EEF1AKMT2: variants seen among roughly 807,000 people sequenced by gnomAD.
The protein encoded by EEF1AKMT2 is eukaryotic translation elongation factor 1 alpha lysine methyltransferase 2.
A neutral mutation model predicts 35.8 loss-of-function variants in EEF1AKMT2; 32 were observed. That is an observed-to-expected ratio of 0.89 (90% confidence interval 0.67 to 1.20). EEF1AKMT2 has a LOEUF of 1.20. Among genes scored for constraint, EEF1AKMT2 ranks in the 50% most tolerant of loss-of-function variants. EEF1AKMT2 has a pLI of 0.00. For synonymous variants in EEF1AKMT2, 121 were observed against 133.7 expected, an observed-to-expected ratio of 0.91 and a Z score of 0.65; for missense variants, 330 against 347.5, an observed-to-expected ratio of 0.95 and a Z score of 0.40.
chr10:124,770,187 G>A (rs1589782884), intron 4 of EEF1AKMT2, among the ~76,000 whole-genome samples: 1 of 151,988 alleles, frequency 6.6e-6, no homozygotes, highest in East Asian at 1.9e-4. Flanking sequence ...GAGGGGCCGA[G>A]GCGGGTGGAT....
At chr10:124,782,104 A>G (rs1007009493) in intron 3 of EEF1AKMT2, among the ~76,000 whole-genome samples, 1 of 152,240 alleles carries the variant, frequency 6.6e-6, no homozygotes, top group South Asian at 2.1e-4. Context: ...GCCATACGCA[A>G]AGAGATATAT....
intron 3 of EEF1AKMT2, among the ~76,000 whole-genome samples, chr10:124,788,612 C>T (rs191245904): frequency 6.6e-6 from 1 of 151,110 alleles, no homozygotes; most frequent in Non-Finnish European, 1.5e-5. Flanking sequence ...GGAATGTTTA[C>T]CGAAACACAG....
At chr10:124,762,723 G>A (rs991065144) in intron 5 of EEF1AKMT2, among the ~76,000 whole-genome samples, 165 bp from the exon 6 acceptor site, 2 of 151,970 alleles carry the variant, frequency 1.3e-5, no homozygotes, top group South Asian at 2.1e-4. Context: ...AAAGCTTATC[G>A]TAAGAAAACT....
chr10:124,788,022 G>A (rs1156749117), intron 3 of EEF1AKMT2, among the ~76,000 whole-genome samples: 1 of 152,144 alleles, frequency 6.6e-6, no homozygotes, highest in Non-Finnish European at 1.5e-5. Flanking sequence ...TCTTAAGCAT[G>A]GCAAAGCATA....
intron 3 of EEF1AKMT2, among the ~76,000 whole-genome samples, chr10:124,781,610 T>A (rs1589790592): frequency 2.5e-5 from 2 of 78,574 alleles, no homozygotes; most frequent in Admixed American, 1.6e-4. Flanking sequence ...AAAGATTCTA[T>A]ATTCAGCCAA....
rs1950310779 is a variant in EEF1AKMT2 at position 124,759,299 on chromosome 10, CT to C, written c.*1203del. On this transcript the variant is annotated 3_prime_UTR_variant, in exon 7 of 7. Transcript: ENST00000368836. ...CATGTATCGCTGAGGGCTTATATAACTTACACTACCCTTTCACAGAAGAATG... is the reference window on the plus strand; with the variant it reads ...CATGTATCGCTGAGGGCTTATATAACTACACTACCCTTTCACAGAAGAATG... 6.6e-6 allele frequency: 1 copy of C among 152,164 alleles called. No individual in the cohort carries two copies. The highest frequency in any genetic ancestry group is 6.5e-5 in the Admixed American group (1 of 15,276). 9.4% of individuals were successfully genotyped at this position (152,164 alleles called of 1,614,324 possible).
chr10:124,781,482 G>A (rs756560707), intron 3 of EEF1AKMT2, among the ~76,000 whole-genome samples: 1 of 151,644 alleles, frequency 6.6e-6, no homozygotes, highest in Non-Finnish European at 1.5e-5. Context: ...GGGAGGCTGA[G>A]GCAGAAGAAT....
intron 1 of EEF1AKMT2, among the ~76,000 whole-genome samples, chr10:124,790,825 C>T (rs1459006268): frequency 3.9e-5 from 6 of 152,100 alleles, no homozygotes; most frequent in Admixed American, 3.3e-4. Flanking sequence ...AGTGCAGTGG[C>T]GCGATCTCGG....
chr10:124,788,618 C>G (rs765955746), intron 3 of EEF1AKMT2, among the ~76,000 whole-genome samples: 1 of 150,740 alleles, frequency 6.6e-6, no homozygotes, highest in Non-Finnish European at 1.5e-5. Flanking sequence ...TTTACCGAAA[C>G]ACAGTTCCAT....
At chr10:124,791,640 C>A in intron 1 of EEF1AKMT2, 84 bp downstream of exon 1, 4 of 1,527,146 alleles carry the variant, frequency 2.6e-6, no homozygotes, top group Non-Finnish European at 3.5e-6. Flanking sequence ...GTCCCTGAGC[C>A]CCGGGTCTCC....
intron 4 of EEF1AKMT2, among the ~76,000 whole-genome samples, chr10:124,770,593 A>C (rs753229923): frequency 6.6e-6 from 1 of 152,194 alleles, no homozygotes; most frequent in Non-Finnish European, 1.5e-5. Flanking sequence ...AAAATAAGAC[A>C]GTAATAAAGT....
chr10:124,780,501 A>G (rs1442833230), intron 3 of EEF1AKMT2, among the ~76,000 whole-genome samples: 2 of 152,378 alleles, frequency 1.3e-5, no homozygotes, highest in East Asian at 3.9e-4. Flanking sequence ...AAGGTGACAG[A>G]GAAAAAGTCA....
intron 3 of EEF1AKMT2, among the ~76,000 whole-genome samples, chr10:124,779,922 G>A (rs1476184989): frequency 1.3e-5 from 2 of 148,414 alleles, no homozygotes; most frequent in East Asian, 4.0e-4. Flanking sequence ...AATTAGCCAG[G>A]CGTGGTGGCG....
chr10:124,783,412 A>T (rs1309909324), intron 3 of EEF1AKMT2, among the ~76,000 whole-genome samples: 2 of 152,106 alleles, frequency 1.3e-5, no homozygotes, highest in African/African-American at 4.8e-5. Flanking sequence ...CCAGAGTGCT[A>T]GGATTGCCGG....
chr10:124,769,218 C>CACAAAAACAAAAAA (rs754443902), intron 4 of EEF1AKMT2, among the ~76,000 whole-genome samples: 1 of 31,300 alleles, frequency 3.2e-5, no homozygotes, highest in Non-Finnish European at 5.6e-5. Context: ...ACACTGTCTC[C>CACAAAAACAAAAAA]AAAAAAAAAA....
intron 3 of EEF1AKMT2, among the ~76,000 whole-genome samples, chr10:124,784,813 C>A (rs886104952): frequency 6.6e-6 from 1 of 151,754 alleles, no homozygotes; most frequent in Non-Finnish European, 1.5e-5. Flanking sequence ...CACCTATAAT[C>A]TCAGCTACTC....
intron 3 of EEF1AKMT2, among the ~76,000 whole-genome samples, chr10:124,781,618 C>CAAAA (rs34232151): frequency 9.9e-6 from 1 of 100,968 alleles, no homozygotes. Flanking sequence ...TATATTCAGC[C>CAAAA]AAAAAAAAAA....
rs1207565444 is a variant in EEF1AKMT2, at chr10:124,791,733, G to GT, written c.100dup (p.Thr34AsnfsTer10). On this transcript the variant is annotated frameshift_variant, in exon 1 of 7. Coordinates refer to ENST00000368836, the MANE Select transcript of EEF1AKMT2 (RefSeq NM_212554.4). LOFTEE classifies it high-confidence loss of function. ...CCAGCGTCACACTCACTGCTCGCGG[G>GT]TCCCCAGCGCCGACGGGACGAAACC... The GT allele has an allele frequency of 9.5e-6, 15 of 1,586,336 alleles. No individual in the cohort carries two copies. Among genetic ancestry groups the GT allele is most frequent in the Non-Finnish European group, 1.3e-5 (15 of 1,170,718 alleles).
At chr10:124,782,730 T>A (rs992253688) in intron 3 of EEF1AKMT2, among the ~76,000 whole-genome samples, 7 of 150,396 alleles carry the variant, frequency 4.7e-5, no homozygotes, top group Non-Finnish European at 7.4e-5. Context: ...GGAGAATCAC[T>A]TGAACCCAGG....
Sources: gnomAD v4.1 joint callset for allele counts (sites outside exome capture counted in the v4.1 genomes callset) on GRCh38, gnomAD v4.1.1 for gene constraint, MANE v1.5 for transcripts, NCBI Gene and HGNC (gene_info 2026-07-23, HGNC 2026-07-21) for gene names.